Variants in PTBP2 observed in about 807,000 individuals in gnomAD.
The protein encoded by PTBP2 is polypyrimidine tract binding protein 2.
In PTBP2, 13 loss-of-function variants were observed where a neutral mutation model predicts 61.4. That is an observed-to-expected ratio of 0.21 (90% CI 0.14 to 0.34). The LOEUF is 0.34. Among genes scored for constraint, PTBP2 ranks in the 10% least tolerant of loss-of-function variants. PTBP2 has a pLI of 1.00. For synonymous variants in PTBP2, 215 were observed against 218.5 expected, an observed-to-expected ratio of 0.98 and a Z score of 0.14; for missense variants, 405 against 642.6, an observed-to-expected ratio of 0.63 and a Z score of 4.00.
intron 2 of PTBP2, among the ~76,000 whole-genome samples, chr1:96,726,772 A>G (rs1650611249): frequency 1.3e-5 from 2 of 152,062 alleles, no homozygotes. Context: ...TTTAGTAGAG[A>G]CAGGGTTTCA....
In PTBP2 at chr1:96,791,838, T is replaced by TTTTTTTTGTTTTTTTTTTTG. The variant is rs1557759300; in HGVS notation, c.904+6591_904+6592insGTTTTTTTTTTTGTTTTTTT. ...GCTTGGAGTTGTGCTTTTTTTTTTTTTTTTTTTTTTTGAGATAGAGTCTGG... is the reference window on the plus strand; with the variant it reads ...GCTTGGAGTTGTGCTTTTTTTTTTTTTTTTTTTGTTTTTTTTTTTGTTTTTTTTTTTGAGATAGAGTCTGG... On this transcript the variant is annotated intron_variant, in intron 8 of 13. Transcript: ENST00000674951. 3.6e-5 allele frequency among the ~76,000 whole-genome samples: 5 copies of TTTTTTTTGTTTTTTTTTTTG among 137,628 alleles called. 1 individual carries two copies. Among genetic ancestry groups the TTTTTTTTGTTTTTTTTTTTG allele is most frequent in the East Asian group, 2.1e-4 (1 of 4,798 alleles). 90.3% of individuals were successfully genotyped at this position (137,628 alleles called of 152,430 possible). A position where few individuals can be genotyped will look rare whatever the true frequency, so the allele number is the denominator to read the frequency against.
downstream of PTBP2, chr1:96,816,486 T>C (rs996128448): frequency 6.6e-6 from 1 of 152,156 alleles, no homozygotes; most frequent in African/African-American, 2.4e-5. Flanking sequence ...TGAAGATGTA[T>C]TTTGGAAATG....
At chr1:96,740,643 A>G (rs1652872951) in intron 2 of PTBP2, among the ~76,000 whole-genome samples, 2 of 152,036 alleles carry the variant, frequency 1.3e-5, no homozygotes, top group Non-Finnish European at 1.5e-5. Context: ...CATTCCCATA[A>G]ATTTCTCATT....
intron 3 of PTBP2, among the ~76,000 whole-genome samples, chr1:96,769,127 A>G (rs1570877660): frequency 6.6e-6 from 1 of 152,064 alleles, no homozygotes; most frequent in Non-Finnish European, 1.5e-5. Flanking sequence ...GTCACTGCAT[A>G]AATGTCATAG....
chr1:96,734,544 CTT>C (rs1651882689), intron 2 of PTBP2, among the ~76,000 whole-genome samples: 1 of 150,878 alleles, frequency 6.6e-6, no homozygotes, highest in African/African-American at 2.4e-5. Flanking sequence ...TCTTAAATAT[CTT>C]TTAATGTACA....
At position 96,737,143 on chromosome 1, in the gene PTBP2, C is replaced by T. The variant is rs1259294605; in HGVS notation, c.39+13549C>T. ...TACAGGCGCCTGCCACCACACCCGG[C>T]TAATTTTTTGTATTTTTAGTAGAGA... On this transcript the variant is annotated intron_variant, in intron 2 of 13. Transcript: ENST00000674951. Among the ~76,000 whole-genome samples, 8 of 152,114 alleles carry T rather than the reference C, an allele frequency of 5.3e-5. No individual in the cohort carries two copies. The East Asian group carries it at 1.5e-3, about 29-fold the overall frequency.
intron 8 of PTBP2, among the ~76,000 whole-genome samples, chr1:96,792,402 C>T (rs774708617): frequency 6.6e-6 from 1 of 152,132 alleles, no homozygotes; most frequent in Non-Finnish European, 1.5e-5. Flanking sequence ...ATTCCTTTAA[C>T]TTTTGAGTGG....
At chr1:96,810,218 G>T (rs1469051600) in intron 11 of PTBP2, among the ~76,000 whole-genome samples, 2 of 152,062 alleles carry the variant, frequency 1.3e-5, no homozygotes, top group African/African-American at 4.8e-5. Flanking sequence ...GTGAAACATT[G>T]ACTTTTTCCT....
At chr1:96,796,046 G>T (rs1303582919) in intron 8 of PTBP2, among the ~76,000 whole-genome samples, 3 of 152,132 alleles carry the variant, frequency 2.0e-5, no homozygotes, top group African/African-American at 7.2e-5. Flanking sequence ...TGATTGCAAG[G>T]ATTAGATCAG....
At chr1:96,742,621 A>G (rs2100861950) in intron 2 of PTBP2, among the ~76,000 whole-genome samples, 1 of 148,332 alleles carries the variant, frequency 6.7e-6, no homozygotes, top group South Asian at 2.1e-4. Flanking sequence ...TTTTCTTTTA[A>G]AATGCATTCA....
Position 96,732,716 on chromosome 1 carries a change from G to A in PTBP2, c.39+9122G>A, listed in dbSNP as rs529754253. ...GTTGGTAGGCTCAGAATAGTGGTCT[G>A]TGACCTAGCTAGATTGGGAGATAGG... is the stretch of plus-strand genomic sequence containing the variant. On this transcript the variant is annotated intron_variant, in intron 2 of 13. Transcript: ENST00000674951. 2.6e-5 allele frequency among the ~76,000 whole-genome samples: 4 copies of A among 152,304 alleles called. No individual in the cohort carries two copies. The South Asian group carries it at 8.3e-4, about 32-fold the overall frequency.
At chr1:96,740,875 T>C (rs1029877290) in intron 2 of PTBP2, among the ~76,000 whole-genome samples, 1 of 152,044 alleles carries the variant, frequency 6.6e-6, no homozygotes, top group Non-Finnish European at 1.5e-5. Flanking sequence ...GAGATTGATT[T>C]GTCAAATATT....
At position 96,791,062 on chromosome 1, in the gene PTBP2, G is replaced by A. The variant is rs80305205; in HGVS notation, c.904+5808G>A. On this transcript the variant is annotated intron_variant, in intron 8 of 13. Coordinates refer to ENST00000674951, the MANE Select transcript of PTBP2 (RefSeq NM_021190.4). ...TATGCATGTTATTTATTCATTGAGA[G>A]GATATACATCTCTCAGGTGTTTTTT... Among the ~76,000 whole-genome samples, 4 of 151,774 alleles carry A rather than the reference G, an allele frequency of 2.6e-5. No individual in the cohort carries two copies. In the East Asian group the frequency reaches 5.8e-4, roughly 22 times the overall value.
At chr1:96,763,601 A>AGGGAGAGGGAGG (rs1656295590) in intron 3 of PTBP2, among the ~76,000 whole-genome samples, 1 of 14,540 alleles carries the variant, frequency 6.9e-5, no homozygotes, top group African/African-American at 2.1e-4. Flanking sequence ...TGGGGAGAGG[A>AGGGAGAGGGAGG]GGGAGGGGGA....
chr1:96,755,532 G>A (rs1163553307), intron 3 of PTBP2, among the ~76,000 whole-genome samples: 2 of 152,178 alleles, frequency 1.3e-5, no homozygotes, highest in Non-Finnish European at 2.9e-5. Context: ...TCATGTTAAT[G>A]TTCATAGCCA....
intron 8 of PTBP2, among the ~76,000 whole-genome samples, chr1:96,792,636 T>A (rs1394137465): frequency 2.6e-5 from 4 of 152,160 alleles, no homozygotes; most frequent in Non-Finnish European, 5.9e-5. Flanking sequence ...ACCAAGTCCA[T>A]TAAGTATTTA....
chr1:96,767,687 T>A (rs1286401698), intron 3 of PTBP2, among the ~76,000 whole-genome samples: 4 of 152,154 alleles, frequency 2.6e-5, no homozygotes, highest in Non-Finnish European at 5.9e-5. Context: ...ATTTTTTGGA[T>A]TCTGTGCTTT....
chr1:96,779,556 C>A (rs988360317), intron 7 of PTBP2, among the ~76,000 whole-genome samples: 2 of 151,974 alleles, frequency 1.3e-5, no homozygotes, highest in Non-Finnish European at 2.9e-5. Context: ...TTTGTTTAAT[C>A]TTCTGTGAAC....
rs79788784 is a variant in PTBP2, at chr1:96,810,550, C to G, written c.1172-2162C>G. 1.4e-3 allele frequency among the ~76,000 whole-genome samples: 216 copies of G among 152,192 alleles called. 3 individuals carry two copies. The East Asian group carries it at 0.03, about 21-fold the overall frequency. ...TTGGTTATTTAGCTTTATTTTAATC[C>G]CATTCCTCTATCACTCATCTGTTCT... On this transcript the variant is annotated intron_variant, in intron 11 of 13. Coordinates refer to ENST00000674951, the MANE Select transcript of PTBP2 (RefSeq NM_021190.4).
Sources: gnomAD v4.1 joint callset for allele counts (sites outside exome capture counted in the v4.1 genomes callset) on GRCh38, gnomAD v4.1.1 for gene constraint, MANE v1.5 for transcripts, NCBI Gene and HGNC (gene_info 2026-07-23, HGNC 2026-07-21) for gene names.